The following PDE3A variants were observed in gnomAD, a reference collection of about 807,000 sequenced individuals.
The protein encoded by PDE3A is cGMP-inhibited 3',5'-cyclic phosphodiesterase 3A.
Under a neutral mutation model 98.3 loss-of-function variants are expected in PDE3A, and 43 were observed. The observed-to-expected ratio is 0.44, with a 90% CI of 0.34 to 0.56. The LOEUF is 0.56. Among genes scored for constraint, PDE3A ranks in the 20% least tolerant of loss-of-function variants. The pLI is 0.01. For missense variants in PDE3A, 1,427 were observed against 1,440.7 expected (o/e 0.99, Z 0.15); for synonymous variants, 663 against 567.9 (o/e 1.17, Z -2.38).
intron 2 of PDE3A, among the ~76,000 whole-genome samples, chr12:20,585,812 C>G (rs924750520): frequency 2.0e-5 from 3 of 152,090 alleles, no homozygotes; most frequent in African/African-American, 7.2e-5. Context: ...GACTTTGGTT[C>G]ATGCCTTTTC....
chr12:20,485,420 G>A (rs2121022080), intron 1 of PDE3A, among the ~76,000 whole-genome samples: 1 of 152,090 alleles, frequency 6.6e-6, no homozygotes, highest in Admixed American at 6.5e-5. Flanking sequence ...TTCACACTGA[G>A]GATTAGAACT....
At chr12:20,407,737 A>T (rs1944258658) in intron 1 of PDE3A, among the ~76,000 whole-genome samples, 1 of 152,136 alleles carries the variant, frequency 6.6e-6, no homozygotes, top group Non-Finnish European at 1.5e-5. Context: ...AAATTTTTTT[A>T]AAAACTATTT....
At chr12:20,677,013 A>G (rs1945658079) in intron 15 of PDE3A, among the ~76,000 whole-genome samples, 1 of 152,098 alleles carries the variant, frequency 6.6e-6, no homozygotes, top group African/African-American at 2.4e-5. Context: ...ATGTCATGCA[A>G]GCTTTGTTCA....
chr12:20,648,096 C>T (rs1647497900), intron 12 of PDE3A, among the ~76,000 whole-genome samples: 1 of 150,874 alleles, frequency 6.6e-6, no homozygotes, highest in South Asian at 2.1e-4. Context: ...TTTATGTCTC[C>T]GAATACTAGA....
intron 1 of PDE3A, among the ~76,000 whole-genome samples, chr12:20,543,995 A>G (rs1941990284): frequency 1.3e-5 from 2 of 151,888 alleles, no homozygotes; most frequent in South Asian, 4.1e-4. Context: ...CTGAATATCA[A>G]GTCAGAATTG....
intron 1 of PDE3A, among the ~76,000 whole-genome samples, chr12:20,519,969 C>T (rs1171874193): frequency 1.3e-5 from 2 of 152,108 alleles, no homozygotes; most frequent in Admixed American, 6.5e-5. Flanking sequence ...GTCCTTAATC[C>T]TCATTTCAAT....
chr12:20,655,722 G>A (rs925867713), intron 15 of PDE3A, among the ~76,000 whole-genome samples: 11 of 152,186 alleles, frequency 7.2e-5, no homozygotes, highest in Admixed American at 2.0e-4. Context: ...ATCGTCAGTG[G>A]TTTTGAACGG....
rs550315688 is a variant in PDE3A at position 20,552,423 on chromosome 12, C to T, written c.961-4237C>T. 4 of 1,612,736 alleles carry T rather than the reference C, an allele frequency of 2.5e-6. No homozygotes were observed. The African/African-American group carries it at 5.3e-5, about 22-fold the overall frequency. Reference sequence around the variant, plus strand: ...GGACGAAGGAGGGGAAGGACCGGATCAAGAAGCTGGGGCTGACCATGCAGT... The same window carrying T: ...GGACGAAGGAGGGGAAGGACCGGATTAAGAAGCTGGGGCTGACCATGCAGT... On this transcript the variant is annotated intron_variant, in intron 1 of 15. Coordinates refer to ENST00000359062, the MANE Select transcript of PDE3A (RefSeq NM_000921.5). This position sits in a 1 kb window ranked among gnomAD's most constrained non-coding sequence, Gnocchi z 5.1.
At chr12:20,416,651 T>C (rs1165041855) in intron 1 of PDE3A, among the ~76,000 whole-genome samples, 1 of 152,236 alleles carries the variant, frequency 6.6e-6, no homozygotes, top group African/African-American at 2.4e-5. Context: ...GTTGCATCTT[T>C]AGGCTTTTTC....
chr12:20,587,132 G>A (rs1410969226), intron 2 of PDE3A, among the ~76,000 whole-genome samples: 1 of 152,134 alleles, frequency 6.6e-6, no homozygotes, highest in East Asian at 1.9e-4. Flanking sequence ...CACTTTAGGA[G>A]GTCGAGGTGG....
At chr12:20,506,983 A>G (rs963400202) in intron 1 of PDE3A, among the ~76,000 whole-genome samples, 4 of 152,106 alleles carry the variant, frequency 2.6e-5, no homozygotes, top group Non-Finnish European at 4.4e-5. Flanking sequence ...TTTTGGTTGG[A>G]ATTTTAAAAG....
intron 2 of PDE3A, among the ~76,000 whole-genome samples, chr12:20,595,483 C>CTAT (rs1292347741): frequency 6.6e-6 from 1 of 152,008 alleles, no homozygotes; most frequent in Non-Finnish European, 1.5e-5. Flanking sequence ...GTCTTTGGAC[C>CTAT]TATTTGTCTT....
intron 1 of PDE3A, among the ~76,000 whole-genome samples, chr12:20,483,568 G>C (rs1945670774): frequency 1.3e-5 from 2 of 152,086 alleles, no homozygotes; most frequent in Non-Finnish European, 2.9e-5. Flanking sequence ...TTAATATAGA[G>C]AGATACTTTT....
chr12:20,659,621 G>C (rs1368624454), intron 15 of PDE3A, among the ~76,000 whole-genome samples: 1 of 151,706 alleles, frequency 6.6e-6, no homozygotes, highest in East Asian at 1.9e-4. Flanking sequence ...TATTTCTGTA[G>C]AAACAGGACC....
At position 20,411,841 on chromosome 12, in the gene PDE3A, C is replaced by G. The variant is rs575950517; in HGVS notation, c.960+41597C>G. On this transcript the variant is annotated intron_variant, in intron 1 of 15. Transcript: ENST00000359062. ...ATCCCTTCAATGTAATTTCCGAGACCTTTACAATATAGGTAGACCCTTTAA... is the reference window on the plus strand; with the variant it reads ...ATCCCTTCAATGTAATTTCCGAGACGTTTACAATATAGGTAGACCCTTTAA... 5.3e-5 allele frequency among the ~76,000 whole-genome samples: 8 copies of G among 152,226 alleles called. No individual in the cohort carries two copies. The East Asian group carries it at 1.5e-3, about 29-fold the overall frequency.
At chr12:20,590,076 G>C (rs1943299212) in intron 2 of PDE3A, among the ~76,000 whole-genome samples, 2 of 151,836 alleles carry the variant, frequency 1.3e-5, no homozygotes, top group Admixed American at 1.3e-4. Context: ...GACAAACCTA[G>C]AATAGTTTTC....
intron 15 of PDE3A, among the ~76,000 whole-genome samples, chr12:20,665,057 C>T (rs73238452): frequency 0.021 from 3,230 of 152,226 alleles, 131 homozygotes; most frequent in African/African-American, 0.075. Context: ...CTGTCCTAAT[C>T]CAGTCACCAC....
chr12:20,419,609 C>T (rs996491725), intron 1 of PDE3A, among the ~76,000 whole-genome samples: 18 of 151,502 alleles, frequency 1.2e-4, no homozygotes, highest in African/African-American at 4.1e-4. Context: ...TGTTTTTGTT[C>T]CATTTTATAA....
chr12:20,673,757 G>A (rs1406362566), intron 15 of PDE3A, among the ~76,000 whole-genome samples: 1 of 147,944 alleles, frequency 6.8e-6, no homozygotes, highest in Non-Finnish European at 1.5e-5. Flanking sequence ...TAGATGACGA[G>A]TTAGTGGGTG....
Sources: allele counts gnomAD v4.1 joint callset (sites outside exome capture counted in the v4.1 genomes callset), GRCh38; gene constraint gnomAD v4.1.1; non-coding constraint Gnocchi (gnomAD v3.1); transcripts MANE v1.5; gene names NCBI Gene and HGNC (gene_info 2026-07-23, HGNC 2026-07-21).